Variants in THSD4 observed in about 807,000 individuals in gnomAD.
THSD4 encodes the protein thrombospondin type 1 domain containing 4.
Under a neutral mutation model 119.0 loss-of-function variants are expected in THSD4, and 69 were observed. The observed-to-expected ratio is 0.58, with a 90% CI of 0.48 to 0.71. The LOEUF (loss-of-function observed/expected upper bound fraction) is 0.71, where lower values mean the gene tolerates loss of function less well. THSD4 is among the 30% of genes least tolerant of loss of function. The pLI is 0.00. For synonymous variants in THSD4, 524 were observed against 540.4 expected (o/e 0.97, Z 0.42); for missense variants, 1,393 against 1,391.1 (o/e 1.00, Z -0.02).
In THSD4 at chr15:71,755,126, A is replaced by G. The variant is rs1041632735; in HGVS notation, c.2416-2776A>G. Among the ~76,000 whole-genome samples the G allele has an allele frequency of 5.3e-5, 8 of 152,234 alleles. 1 individual carries two copies. Among genetic ancestry groups the G allele is most frequent in the Admixed American group, 5.2e-4 (8 of 15,280 alleles). On this transcript the variant is annotated intron_variant, in intron 14 of 17. Transcript: ENST00000261862. ...GGTTTTAGGCAGAAATGGGGAAGGCAGAGAGCTCTTCCTGCATCTGCTATT... is the reference window on the plus strand; with the variant it reads ...GGTTTTAGGCAGAAATGGGGAAGGCGGAGAGCTCTTCCTGCATCTGCTATT...
intron 8 of THSD4, among the ~76,000 whole-genome samples, chr15:71,688,885 T>C (rs2051981199): frequency 6.6e-6 from 1 of 152,162 alleles, no homozygotes; most frequent in Admixed American, 6.5e-5. Flanking sequence ...ACTTTGACAT[T>C]TTCATTCCCC....
At chr15:71,528,836 T>C (rs955281628) in intron 7 of THSD4, among the ~76,000 whole-genome samples, 1 of 152,184 alleles carries the variant, frequency 6.6e-6, no homozygotes, top group Non-Finnish European at 1.5e-5. Flanking sequence ...TCATGGATGG[T>C]AAAGAGTAAG....
At chr15:71,248,625 A>G (rs981083714) in intron 5 of THSD4, among the ~76,000 whole-genome samples, 9 of 152,174 alleles carry the variant, frequency 5.9e-5, no homozygotes, top group African/African-American at 2.2e-4. Context: ...ACTGGTATCA[A>G]TGACTCTCCA....
intron 17 of THSD4, among the ~76,000 whole-genome samples, chr15:71,775,183 T>C (rs530755643): frequency 1.1e-4 from 17 of 151,910 alleles, no homozygotes; most frequent in African/African-American, 3.4e-4. Flanking sequence ...TTTCTATAAC[T>C]AGAAGGAAAT....
At chr15:71,756,125 T>C (rs940885270) in intron 14 of THSD4, among the ~76,000 whole-genome samples, 1 of 152,192 alleles carries the variant, frequency 6.6e-6, no homozygotes, top group African/African-American at 2.4e-5. Context: ...ATGGGATAAC[T>C]TCAGAGGGAA....
At chr15:71,586,787 C>T (rs2049679535) in intron 7 of THSD4, among the ~76,000 whole-genome samples, 2 of 152,164 alleles carry the variant, frequency 1.3e-5, no homozygotes, top group African/African-American at 2.4e-5. Context: ...AGCAGGAAAT[C>T]TGGGGATCAT....
At chr15:71,182,971 C>T (rs966554624) in intron 3 of THSD4, 1 of 151,572 alleles carries the variant, frequency 6.6e-6, no homozygotes, top group African/African-American at 2.4e-5. Context: ...TTTATTTTTC[C>T]CCATTAACTC....
At chr15:71,581,744 G>T (rs1213695347) in intron 7 of THSD4, among the ~76,000 whole-genome samples, 1 of 152,168 alleles carries the variant, frequency 6.6e-6, no homozygotes, top group African/African-American at 2.4e-5. Flanking sequence ...TGGACATCCA[G>T]TTTTCCCAGC....
At chr15:71,580,758 C>G (rs569429764) in intron 7 of THSD4, among the ~76,000 whole-genome samples, 2 of 152,252 alleles carry the variant, frequency 1.3e-5, no homozygotes, top group East Asian at 1.9e-4. Flanking sequence ...CTTTGTGTAT[C>G]TGACTCATTT....
At chr15:71,117,601 C>T (rs939898290) in intron 1 of THSD4, among the ~76,000 whole-genome samples, 2 of 152,160 alleles carry the variant, frequency 1.3e-5, no homozygotes, top group Non-Finnish European at 1.5e-5. Flanking sequence ...TCCCACTGCC[C>T]CCACCTTCAA....
chr15:71,101,244 T>A (rs2040252461), intron 1 of THSD4, among the ~76,000 whole-genome samples: 1 of 152,070 alleles, frequency 6.6e-6, no homozygotes, highest in African/African-American at 2.4e-5. Context: ...TCTGCTATTA[T>A]ATTACTATTA....
At chr15:71,355,792 G>GT (rs1179134772) in intron 6 of THSD4, among the ~76,000 whole-genome samples, 8 of 152,108 alleles carry the variant, frequency 5.3e-5, no homozygotes, top group Admixed American at 2.0e-4. Flanking sequence ...CAGGGATGAA[G>GT]TTTTTTCTTC....
chr15:71,378,333 A>G (rs952636631), intron 6 of THSD4, among the ~76,000 whole-genome samples: 10 of 152,202 alleles, frequency 6.6e-5, no homozygotes, highest in African/African-American at 2.4e-4. Flanking sequence ...AGTGGCCTGG[A>G]GAGCTCCCAC....
intron 3 of THSD4, among the ~76,000 whole-genome samples, chr15:71,198,802 C>T (rs2043742699): frequency 1.3e-5 from 2 of 152,216 alleles, no homozygotes; most frequent in African/African-American, 4.8e-5. Context: ...AAGGGATGAT[C>T]CCTATGTCTT....
chr15:71,292,799 C>T (rs1263858008), intron 6 of THSD4, among the ~76,000 whole-genome samples: 1 of 151,842 alleles, frequency 6.6e-6, no homozygotes, highest in African/African-American at 2.4e-5. Flanking sequence ...GCCTCAGCCT[C>T]CCGAGTAGCT....
intron 7 of THSD4, among the ~76,000 whole-genome samples, chr15:71,516,065 T>C (rs1567017303): frequency 6.6e-6 from 1 of 152,188 alleles, no homozygotes; most frequent in Non-Finnish European, 1.5e-5. Flanking sequence ...CTTTGGGACA[T>C]GTACCACAGG....
chr15:71,351,506 T>C (rs1483507640), intron 6 of THSD4, among the ~76,000 whole-genome samples: 1 of 152,222 alleles, frequency 6.6e-6, no homozygotes, highest in East Asian at 1.9e-4. Context: ...GCCTTCCACC[T>C]TGCTGCATCT....
Position 71,215,313 on chromosome 15 carries a change from T to C in THSD4, c.378T>C (p.Gly126=). The C allele has an allele frequency of 6.5e-7, 1 of 1,529,206 alleles. No individual in the cohort carries two copies. The allele number at this position is 1,529,206 out of a possible 1,614,324, so 94.7% of individuals were successfully genotyped here. ...RSRDETPALA[G]TDASRQGPTV... Reference sequence around the variant, plus strand: ...GCGACGAGACGCCAGCGCTGGCCGGTACGGACGCCAGCCGCCAGGGCCCCA... The same window carrying C: ...GCGACGAGACGCCAGCGCTGGCCGGCACGGACGCCAGCCGCCAGGGCCCCA... Residue 126 remains glycine, a synonymous_variant, in exon 4 of 18, where the codon GGT becomes GGC. Coordinates refer to ENST00000261862, the MANE Select transcript of THSD4 (RefSeq NM_024817.3).
intron 17 of THSD4, among the ~76,000 whole-genome samples, chr15:71,772,584 T>C (rs2053840983): frequency 6.6e-6 from 1 of 152,178 alleles, no homozygotes; most frequent in African/African-American, 2.4e-5. Context: ...TATTGGAACA[T>C]ATTATAAAGC....
Sources: gnomAD v4.1 joint callset for allele counts (sites outside exome capture counted in the v4.1 genomes callset) on GRCh38, gnomAD v4.1.1 for gene constraint, MANE v1.5 for transcripts, NCBI Gene and HGNC (gene_info 2026-07-23, HGNC 2026-07-21) for gene names.